Variants in ARK2C observed in about 807,000 individuals in gnomAD.
The protein encoded by ARK2C is E3 ubiquitin-protein ligase ARK2C.
the ARK2C span, chr18:46,337,730 A>T: frequency 4.1e-4 from 187 of 455,680 alleles, no homozygotes; most frequent in African/African-American, 3.9e-3. Flanking sequence ...TTGCTTTTCT[A>T]TCCCCACCCT....
At chr18:46,396,715 A>G in the ARK2C span, among the ~76,000 whole-genome samples, 1 of 152,154 alleles carries the variant, frequency 6.6e-6, no homozygotes, top group African/African-American at 2.4e-5. Flanking sequence ...CTTAGGCACA[A>G]TTGATAGGGG....
the ARK2C span, among the ~76,000 whole-genome samples, chr18:46,431,125 T>C: frequency 6.6e-6 from 1 of 152,202 alleles, no homozygotes; most frequent in Admixed American, 6.5e-5. Context: ...CTCCCACTTA[T>C]GAGTGAGAGC....
chr18:46,453,843 G>A, the ARK2C span, among the ~76,000 whole-genome samples: 3 of 151,908 alleles, frequency 2.0e-5, no homozygotes, highest in South Asian at 6.2e-4. Flanking sequence ...AGTTAAAAGG[G>A]GGCTGGGCAC....
chr18:46,377,307 C>A, the ARK2C span, among the ~76,000 whole-genome samples: 9 of 152,138 alleles, frequency 5.9e-5, no homozygotes, highest in African/African-American at 2.2e-4. Flanking sequence ...CTTTCTCTCC[C>A]TTCCTTCAAC....
At chr18:46,425,440 T>C in the ARK2C span, among the ~76,000 whole-genome samples, 1 of 152,212 alleles carries the variant, frequency 6.6e-6, no homozygotes, top group South Asian at 2.1e-4. Context: ...TGTGGGGCCT[T>C]TCAGGCTGCC....
the ARK2C span, among the ~76,000 whole-genome samples, chr18:46,454,341 C>T: frequency 6.6e-6 from 1 of 151,966 alleles, no homozygotes; most frequent in Admixed American, 6.6e-5. Context: ...GTCAGCTAAA[C>T]GAAGGCCACT....
chr18:46,393,435 G>A, the ARK2C span, among the ~76,000 whole-genome samples: 1 of 152,206 alleles, frequency 6.6e-6, no homozygotes, highest in Non-Finnish European at 1.5e-5. Flanking sequence ...CCAGAAGGGT[G>A]CGCTGTTTCC....
the ARK2C span, among the ~76,000 whole-genome samples, chr18:46,375,756 G>A: frequency 6.6e-6 from 1 of 151,968 alleles, no homozygotes; most frequent in African/African-American, 2.4e-5. Flanking sequence ...GATATTTTGA[G>A]GTGGGAGCAG....
At chr18:46,454,486 A>G in the ARK2C span, among the ~76,000 whole-genome samples, 8 of 152,160 alleles carry the variant, frequency 5.3e-5, no homozygotes, top group African/African-American at 1.9e-4. Context: ...AAAACTTATT[A>G]CAGAAGCCTA....
chr18:46,425,484 G>A, the ARK2C span, among the ~76,000 whole-genome samples: 1 of 152,200 alleles, frequency 6.6e-6, no homozygotes. Context: ...CTTTTCCTTG[G>A]AGGACTGGAA....
At chr18:46,440,535 C>G in the ARK2C span, among the ~76,000 whole-genome samples, 1 of 152,286 alleles carries the variant, frequency 6.6e-6, no homozygotes, top group East Asian at 1.9e-4. Context: ...TATTTGGAAA[C>G]AAATCCAGGC....
At chr18:46,416,633 G>GTGGGTTGGTAATT in the ARK2C span, among the ~76,000 whole-genome samples, 3 of 152,254 alleles carry the variant, frequency 2.0e-5, no homozygotes, top group African/African-American at 7.2e-5. Context: ...TCACAAGTCA[G>GTGGGTTGGTAATT]TGGGTTGGTA....
the ARK2C span, among the ~76,000 whole-genome samples, chr18:46,351,376 G>A: frequency 1.3e-5 from 2 of 152,276 alleles, no homozygotes; most frequent in South Asian, 4.1e-4. Flanking sequence ...CCAAGCAAAG[G>A]CGTCCCTTCC....
At chr18:46,425,392 C>CG in the ARK2C span, among the ~76,000 whole-genome samples, 2 of 152,204 alleles carry the variant, frequency 1.3e-5, no homozygotes, top group African/African-American at 4.8e-5. Flanking sequence ...GGGGTAGCCC[C>CG]GGGTGGGTGG....
At chr18:46,432,787 T>C in the ARK2C span, among the ~76,000 whole-genome samples, 1 of 151,912 alleles carries the variant, frequency 6.6e-6, no homozygotes, top group African/African-American at 2.4e-5. Context: ...CTACTAAAAA[T>C]ACAAAAAATT....
the ARK2C span, among the ~76,000 whole-genome samples, chr18:46,362,594 C>A: frequency 6.6e-6 from 1 of 152,228 alleles, no homozygotes; most frequent in African/African-American, 2.4e-5. Context: ...AAGCCTCACT[C>A]GTTTTGACTA....
At chr18:46,394,295 T>C in the ARK2C span, among the ~76,000 whole-genome samples, 1 of 152,336 alleles carries the variant, frequency 6.6e-6, no homozygotes, top group Middle Eastern at 3.4e-3. Context: ...GAATCTCTAG[T>C]TGCGTCCCAG....
At chr18:46,381,564 C>T in the ARK2C span, among the ~76,000 whole-genome samples, 3 of 152,264 alleles carry the variant, frequency 2.0e-5, no homozygotes, top group South Asian at 6.2e-4. Context: ...TGGGCAGTGG[C>T]TCACACCTGT....
chr18:46,390,850 G>A, the ARK2C span, among the ~76,000 whole-genome samples: 2 of 152,128 alleles, frequency 1.3e-5, no homozygotes, highest in East Asian at 3.9e-4. Context: ...TGCCTCATGG[G>A]GTGTGAGGAT....
Sources: allele counts gnomAD v4.1 joint callset (sites outside exome capture counted in the v4.1 genomes callset), GRCh38; gene constraint gnomAD v4.1.1; transcripts MANE v1.5; gene names NCBI Gene and HGNC (gene_info 2026-07-23, HGNC 2026-07-21).